The following ZNF766 variants were observed in gnomAD, a reference collection of about 807,000 sequenced individuals.
ZNF766 encodes the protein zinc finger protein 766.
Under a neutral mutation model 13.2 loss-of-function variants are expected in ZNF766, and 13 were observed. The ratio of observed to expected loss-of-function variants is 0.98; its 90% CI spans 0.64 to 1.56. The LOEUF (loss-of-function observed/expected upper bound fraction) is 1.56, where lower values mean the gene tolerates loss of function less well. ZNF766 is among the 40% of genes most tolerant of loss of function. The probability of loss-of-function intolerance (pLI) is 0.00; values close to 1 mark genes in which losing one functional copy is unlikely to be tolerated. For missense variants in ZNF766, 521 were observed against 552.2 expected, an observed-to-expected ratio of 0.94 and a Z score of 0.57; for synonymous variants, 178 against 187.6, an observed-to-expected ratio of 0.95 and a Z score of 0.42.
Position 52,294,150 on chromosome 19 carries a change from G to A in ZNF766, c.*2952G>A, listed in dbSNP as rs1471209208. 1 of 152,194 alleles carries A rather than the reference G, an allele frequency of 6.6e-6. No homozygotes were observed. The highest frequency in any genetic ancestry group is 1.5e-5 in the Non-Finnish European group (1 of 68,038). 9.4% of individuals were successfully genotyped at this position (152,194 alleles called of 1,614,324 possible). ...AGTAATATGGAAAATAGGACAAAGT[G>A]TGGACTTCAGGATGAAAATATTGTA... On this transcript the variant is annotated 3_prime_UTR_variant, in exon 4 of 4. Coordinates refer to ENST00000439461, the MANE Select transcript of ZNF766 (RefSeq NM_001010851.3).
At position 52,292,585 on chromosome 19, in the gene ZNF766, TAAATC is replaced by T. The variant is rs552058567; in HGVS notation, c.*1389_*1393del. On this transcript the variant is annotated 3_prime_UTR_variant, in exon 4 of 4. Transcript: ENST00000439461. ...TTTTTCAAATGGAAGAGAGAACAGT[TAAATC>T]AGAGTAGAGAGTTTAATCAAAACTA... 42 of 165,366 alleles carry T rather than the reference TAAATC, an allele frequency of 2.5e-4. 1 individual carries two copies. The South Asian group carries it at 4.2e-3, about 17-fold the overall frequency. 10.2% of individuals were successfully genotyped at this position (165,366 alleles called of 1,614,324 possible).
Position 52,290,658 on chromosome 19 carries a change from T to C in ZNF766, c.867T>C (p.His289=), listed in dbSNP as rs767349708. ...VFSRITYLVR[H]QKIHTREKPH... is the part of the protein sequence containing the mutation. The stretch of plus-strand genomic sequence containing the variant: ...GTCGAATTACATACCTTGTACGACA[T>C]CAGAAAATTCATACTAGAGAGAAAC... The change falls in exon 4 of 4, where the codon CAT becomes CAC. Residue 289 remains histidine (H), a synonymous_variant. Coordinates refer to ENST00000439461, the MANE Select transcript of ZNF766 (RefSeq NM_001010851.3). The C allele has an allele frequency of 1.1e-5, 17 of 1,613,680 alleles. No homozygotes were observed. Among genetic ancestry groups the C allele is most frequent in the Non-Finnish European group, 1.4e-5 (16 of 1,179,784 alleles).
At position 52,295,018 on chromosome 19, in the gene ZNF766, G is replaced by A. The variant is rs1982289435; in HGVS notation, c.*3820G>A. 4 of 151,278 alleles carry A rather than the reference G, an allele frequency of 2.6e-5. No homozygotes were observed. The South Asian group carries it at 8.3e-4, about 31-fold the overall frequency. 9.4% of individuals were successfully genotyped at this position (151,278 alleles called of 1,614,324 possible). ...AGAAGAGCATTTTTCCAAAAGCTAT[G>A]GAAATGTCATTTTCCCGTTACAGCA... On this transcript the variant is annotated 3_prime_UTR_variant, in exon 4 of 4. Coordinates refer to ENST00000439461, the MANE Select transcript of ZNF766 (RefSeq NM_001010851.3).
chr19:52,284,357 G>A (rs1018589997), intron 3 of ZNF766, among the ~76,000 whole-genome samples: 1 of 152,146 alleles, frequency 6.6e-6, no homozygotes, highest in Non-Finnish European at 1.5e-5. Flanking sequence ...AGACCTGATG[G>A]GGAGATGGGA....
chr19:52,286,912 T>G (rs564963340), intron 3 of ZNF766, among the ~76,000 whole-genome samples: 6 of 152,272 alleles, frequency 3.9e-5, no homozygotes, highest in Admixed American at 2.0e-4. Flanking sequence ...CTCGGCCCAC[T>G]GCAGCCTCTG....
In ZNF766 at chr19:52,292,395, T is replaced by C. The variant is rs1418728419; in HGVS notation, c.*1197T>C. The stretch of plus-strand genomic sequence containing the variant: ...TGCTGCTGTGCTCTACAAATGACCA[T>C]GAAATAGAGCACGCCATGACTTTAG... On this transcript the variant is annotated 3_prime_UTR_variant, in exon 4 of 4. Transcript: ENST00000439461. 1.9e-6 allele frequency: 1 copy of C among 530,436 alleles called. No homozygotes were observed. Among genetic ancestry groups the C allele is most frequent in the Non-Finnish European group, 3.3e-6 (1 of 299,180 alleles). 32.9% of individuals were successfully genotyped at this position (530,436 alleles called of 1,614,324 possible).
At chr19:52,272,158 T>A (rs10417270) in intron 1 of ZNF766, among the ~76,000 whole-genome samples, 2,582 of 152,266 alleles carry the variant, frequency 0.017, 78 homozygotes, top group African/African-American at 0.059. Flanking sequence ...TCTTCAGTCT[T>A]GCCTCCAGTT....
In ZNF766 at chr19:52,294,433, C is replaced by G. The variant is rs1982269765; in HGVS notation, c.*3235C>G. On this transcript the variant is annotated 3_prime_UTR_variant, in exon 4 of 4. Coordinates refer to ENST00000439461, the MANE Select transcript of ZNF766 (RefSeq NM_001010851.3). ...TGATGATGCCATTCACTAATGTGAT[C>G]TCAAAATGTTTACTCCATAATGAGG... The G allele has an allele frequency of 6.6e-6, 1 of 152,176 alleles. No individual in the cohort carries two copies. The allele number at this position is 152,176 out of a possible 1,614,324, so 9.4% of individuals were successfully genotyped here.
chr19:52,287,433 GC>G (rs1467903721), intron 3 of ZNF766, among the ~76,000 whole-genome samples: 1 of 152,226 alleles, frequency 6.6e-6, no homozygotes, highest in Non-Finnish European at 1.5e-5. Flanking sequence ...GAGCCACTAC[GC>G]CCAGCCTGCT....
At chr19:52,272,531 A>G (rs140403499) in intron 1 of ZNF766, among the ~76,000 whole-genome samples, 277 of 152,098 alleles carry the variant, frequency 1.8e-3, no homozygotes, top group Middle Eastern at 0.01. Flanking sequence ...CAGTGGTGCA[A>G]TCATAGCTCC....
chr19:52,279,704 A>G (rs1198738446), intron 1 of ZNF766, among the ~76,000 whole-genome samples: 1 of 151,414 alleles, frequency 6.6e-6, no homozygotes, highest in Non-Finnish European at 1.5e-5. Flanking sequence ...TAAATTTTAA[A>G]ACATATTATA....
At chr19:52,283,922 C>G (rs938520098) in intron 3 of ZNF766, among the ~76,000 whole-genome samples, 3 of 152,026 alleles carry the variant, frequency 2.0e-5, no homozygotes, top group Non-Finnish European at 4.4e-5. Context: ...ATTTTTAGTA[C>G]AGACGAGGTT....
chr19:52,286,205 G>T (rs1260326608), intron 3 of ZNF766, among the ~76,000 whole-genome samples: 1 of 143,414 alleles, frequency 7.0e-6, no homozygotes, highest in East Asian at 2.0e-4. Flanking sequence ...TAATTATAAA[G>T]GAAAAGCCTT....
At chr19:52,284,068 T>C (rs1002366889) in intron 3 of ZNF766, among the ~76,000 whole-genome samples, 6 of 152,194 alleles carry the variant, frequency 3.9e-5, no homozygotes, top group African/African-American at 1.2e-4. Context: ...TAGTTTTATG[T>C]TTTTGCCCTG....
At chr19:52,276,420 A>C (rs2122467211) in intron 1 of ZNF766, among the ~76,000 whole-genome samples, 1 of 152,198 alleles carries the variant, frequency 6.6e-6, no homozygotes, top group South Asian at 2.1e-4. Flanking sequence ...TAAGTCTGTA[A>C]TTGGTTGAAT....
chr19:52,280,563 TTTTTAA>T (rs766061980), intron 1 of ZNF766, among the ~76,000 whole-genome samples: 4 of 152,034 alleles, frequency 2.6e-5, no homozygotes, highest in Non-Finnish European at 5.9e-5. Flanking sequence ...TTATAAGAAT[TTTTTAA>T]TTTTAATTTT....
At position 52,277,535 on chromosome 19, in the gene ZNF766, TACTC is replaced by T. The variant is rs368703702; in HGVS notation, c.19-4574_19-4571del. ...AAGCAGAGGAGTCAGGCATGCCACT[TACTC>T]AGGTAAAGTGATATTCTCAGTAGAT... On this transcript the variant is annotated intron_variant, in intron 1 of 3. Coordinates refer to ENST00000439461, the MANE Select transcript of ZNF766 (RefSeq NM_001010851.3). 354 of 1,574,310 alleles carry T rather than the reference TACTC, an allele frequency of 2.2e-4. No individual in the cohort carries two copies. In the African/African-American group the frequency reaches 3.5e-3, roughly 16 times the overall value.
At chr19:52,284,031 A>G (rs1306545723) in intron 3 of ZNF766, among the ~76,000 whole-genome samples, 5 of 152,234 alleles carry the variant, frequency 3.3e-5, no homozygotes, top group East Asian at 1.9e-4. Context: ...CACCGCGCCC[A>G]GCCCACGCTG....
At chr19:52,283,208 T>C in intron 2 of ZNF766, 77 bp from the exon 3 acceptor site, 5 of 1,516,902 alleles carry the variant, frequency 3.3e-6, no homozygotes, top group Non-Finnish European at 4.4e-6. Context: ...ATTTTTAATA[T>C]CATCTCTGCT....
Sources: gnomAD v4.1 joint callset for allele counts (sites outside exome capture counted in the v4.1 genomes callset) on GRCh38, gnomAD v4.1.1 for gene constraint, MANE v1.5 for transcripts, NCBI Gene and HGNC (gene_info 2026-07-23, HGNC 2026-07-21) for gene names.